BPIFB6: variants seen among roughly 807,000 people sequenced by gnomAD.
BPIFB6 encodes the protein BPI fold containing family B member 6.
Under a neutral mutation model 54.7 loss-of-function variants are expected in BPIFB6, and 47 were observed. The ratio of observed to expected loss-of-function variants is 0.86; its 90% CI spans 0.68 to 1.10. The LOEUF is 1.10. Among genes scored for constraint, BPIFB6 ranks in the 50% least tolerant of loss-of-function variants. BPIFB6 has a pLI of 0.00. For synonymous variants in BPIFB6, 255 were observed against 225.9 expected (o/e 1.13, Z -1.16); for missense variants, 603 against 564.1 (o/e 1.07, Z -0.70).
In BPIFB6 at chr20:33,042,146, C is replaced by T. The variant is rs6120094; in HGVS notation, c.1188+131C>T. The T allele has an allele frequency of 5.9e-3, 5,060 of 864,010 alleles. 206 individuals are homozygous for T. The African/African-American group carries it at 0.075, about 13-fold the overall frequency. 53.5% of individuals were successfully genotyped at this position (864,010 alleles called of 1,614,324 possible). ...AGCAAGGCCACTGTGAGGCGTGGCG[C>T]ACCTGACTTGCCGTGTGAGCTTAGG... is the stretch of plus-strand genomic sequence containing the variant. On this transcript the variant is annotated intron_variant, in intron 12 of 14. Transcript: ENST00000349552.
chr20:33,038,786 A>C, intron 8 of BPIFB6, 123 bp from the exon 9 acceptor site: 2 of 921,494 alleles, frequency 2.2e-6, no homozygotes, highest in Non-Finnish European at 3.6e-6. Context: ...AGTTAAACTC[A>C]GAGCGTTAAG....
At chr20:33,034,143 G>A (rs745498795) in intron 2 of BPIFB6, 43 bp from the exon 3 acceptor site, 2 of 1,452,090 alleles carry the variant, frequency 1.4e-6, no homozygotes, top group East Asian at 4.5e-5. Flanking sequence ...CCTGGGTCTT[G>A]CCTGCTCAGA....
intron 5 of BPIFB6, 64 bp from the exon 6 acceptor site, chr20:33,035,548 A>C (rs1438977956): frequency 2.0e-5 from 31 of 1,548,114 alleles, no homozygotes; most frequent in Middle Eastern, 1.7e-4. Flanking sequence ...GTGGTGTACC[A>C]TTCAGCTGTG....
intron 14 of BPIFB6, 129 bp from the exon 15 acceptor site, chr20:33,043,886 A>T: frequency 1.7e-6 from 2 of 1,173,376 alleles, no homozygotes; most frequent in Non-Finnish European, 2.5e-6. Flanking sequence ...GTCACAAGGC[A>T]AGTCTACTTC....
intron 13 of BPIFB6, 102 bp downstream of exon 13, chr20:33,042,980 G>C (rs112795422): frequency 2.9e-6 from 3 of 1,046,196 alleles, no homozygotes; most frequent in Non-Finnish European, 2.9e-6. Context: ...GGGCCCAGAT[G>C]GGGGAAGCTA....
In BPIFB6 at chr20:33,034,791, G is replaced by T; in HGVS notation, c.331G>T (p.Val111Leu). 1.2e-6 allele frequency: 2 copies of T among 1,613,048 alleles called. No homozygotes were observed. Among genetic ancestry groups the T allele is most frequent in the Non-Finnish European group, 1.7e-6 (2 of 1,179,236 alleles). ...CATGGGAGGGAACATGGAGATCATCGTGGCCCTGAACATCACAGCCACCAA... is the reference window on the plus strand; with the variant it reads ...CATGGGAGGGAACATGGAGATCATCTTGGCCCTGAACATCACAGCCACCAA... ...SFMGGNMEII[V>L]ALNITATNRL... The change falls in exon 4 of 15, where the codon GTG becomes TTG. Residue 111 changes from valine (V) to leucine (L), a missense_variant. Physicochemically the swap from Val to Leu is conservative, Grantham distance 32 (BLOSUM62 1). Transcript: ENST00000349552.
chr20:33,034,185 G>C lies in BPIFB6; in HGVS notation c.198-1G>C, dbSNP rs761285741. ...TGGTGTGGCTGCCTGTCCCTTCCCA[G>C]TTTGAAGGTGAAGGATGTCCAGCTG... On this transcript the variant is annotated splice_acceptor_variant, in intron 2 of 14. Coordinates refer to ENST00000349552, the MANE Select transcript of BPIFB6 (RefSeq NM_174897.2). LOFTEE classifies it high-confidence loss of function. 11 of 1,611,186 alleles carry C rather than the reference G, an allele frequency of 6.8e-6. No individual in the cohort carries two copies. In the Admixed American group the frequency reaches 1.8e-4, roughly 27 times the overall value.
In BPIFB6 at chr20:33,031,721, G is replaced by T. The variant is rs148120627; in HGVS notation, c.74G>T (p.Arg25Leu). The T allele has an allele frequency of 3.7e-6, 6 of 1,613,962 alleles. No individual in the cohort carries two copies. In the East Asian group the frequency reaches 1.3e-4, roughly 36 times the overall value. The change falls in exon 1 of 15, where the codon CGG (arginine) becomes CTG (leucine). Residue 25 changes from arginine (R) to leucine (L), a missense_variant. By Grantham distance (102) the Arg-to-Leu change is moderately radical. Coordinates refer to ENST00000349552, the MANE Select transcript of BPIFB6 (RefSeq NM_174897.2). ...GTRADPGALL[R>L]LGMDIMNQVQ... ...CGAGCTGACCCTGGGGCACTGCTGC[G>T]GTTGGGCATGGACATCATGAACCGT... is the stretch of plus-strand genomic sequence containing the variant.
At chr20:33,039,215 A>G in intron 9 of BPIFB6, 132 bp from the exon 10 acceptor site, 2 of 1,003,142 alleles carry the variant, frequency 2.0e-6, no homozygotes, top group Non-Finnish European at 3.0e-6. Context: ...CCTGATAGAC[A>G]CATCCTGGCC....
At chr20:33,042,583 C>T (rs1180352316) in intron 12 of BPIFB6, among the ~76,000 whole-genome samples, 1 of 152,178 alleles carries the variant, frequency 6.6e-6, no homozygotes, top group East Asian at 1.9e-4. Flanking sequence ...CCTGTTCCTG[C>T]ACCATGGCCC....
chr20:33,042,687 T>C, intron 12 of BPIFB6, 128 bp from the exon 13 acceptor site: 2 of 859,488 alleles, frequency 2.3e-6, no homozygotes, highest in Non-Finnish European at 3.7e-6. Context: ...TGATGCCAGC[T>C]GGACAAACCA....
At chr20:33,039,602 C>A in intron 10 of BPIFB6, 82 bp downstream of exon 10, 3 of 1,404,450 alleles carry the variant, frequency 2.1e-6, no homozygotes, top group South Asian at 1.4e-5. Context: ...TAGTTGACAG[C>A]CAAGTCATGG....
In BPIFB6 at chr20:33,037,550, G is replaced by T. The variant is rs1469797980; in HGVS notation, c.670-12G>T. 1.3e-6 allele frequency: 2 copies of T among 1,597,486 alleles called. No individual in the cohort carries two copies. The highest frequency in any genetic ancestry group is 8.6e-7 in the Non-Finnish European group (1 of 1,168,616). Reference sequence around the variant, plus strand: ...GGCCAAGGCTGAGTGTCTCCCTCCTGCTGCCCCATAGCCTGTGGTGCAGCA... The same window carrying T: ...GGCCAAGGCTGAGTGTCTCCCTCCTTCTGCCCCATAGCCTGTGGTGCAGCA... On this transcript the variant is annotated splice_polypyrimidine_tract_variant and intron_variant, in intron 7 of 14. Coordinates refer to ENST00000349552, the MANE Select transcript of BPIFB6 (RefSeq NM_174897.2).
At chr20:33,036,394 G>T (rs759580616) in intron 6 of BPIFB6, 51 bp from the exon 7 acceptor site, 1 of 1,512,498 alleles carries the variant, frequency 6.6e-7, no homozygotes. Context: ...AGCTTCTCTG[G>T]GCTGTTCCTG....
rs537464501 is a variant in BPIFB6, at chr20:33,035,145, G to A, written c.516+1G>A. 5.9e-5 allele frequency: 96 copies of A among 1,613,716 alleles called. No homozygotes were observed. The Admixed American group carries it at 1.5e-3, about 26-fold the overall frequency. On this transcript the variant is annotated splice_donor_variant, in intron 5 of 14. Coordinates refer to ENST00000349552, the MANE Select transcript of BPIFB6 (RefSeq NM_174897.2). LOFTEE classifies it high-confidence loss of function. ...CCTGCACAAAGTCCTCCCTGGGCTGGTGAGTGACCCAGAGAAAGCCTCCAC... is the reference window on the plus strand; with the variant it reads ...CCTGCACAAAGTCCTCCCTGGGCTGATGAGTGACCCAGAGAAAGCCTCCAC...
At chr20:33,037,867 T>G in intron 8 of BPIFB6, 129 bp downstream of exon 8, 1 of 1,027,808 alleles carries the variant, frequency 9.7e-7, no homozygotes, top group South Asian at 1.5e-5. Flanking sequence ...CAGGACCGAT[T>G]TGAGTTTCTC....
intron 11 of BPIFB6, among the ~76,000 whole-genome samples, chr20:33,041,672 T>C (rs1265456829): frequency 6.6e-6 from 1 of 152,122 alleles, no homozygotes; most frequent in Non-Finnish European, 1.5e-5. Context: ...TGTAAACCTC[T>C]GCATAGCTGG....
At chr20:33,035,170 C>T in intron 5 of BPIFB6, 26 bp downstream of exon 5, 1 of 1,610,582 alleles carries the variant, frequency 6.2e-7, no homozygotes, top group African/African-American at 1.3e-5. Context: ...AAAGCCTCCA[C>T]CCCTCGTTGC....
At chr20:33,039,092 T>C in intron 9 of BPIFB6, 130 bp downstream of exon 9, 1 of 1,180,882 alleles carries the variant, frequency 8.5e-7, no homozygotes, top group Non-Finnish European at 1.2e-6. Flanking sequence ...AAACATCTTT[T>C]CTTCTTTATA....
Sources: gnomAD v4.1 joint callset for allele counts (sites outside exome capture counted in the v4.1 genomes callset) on GRCh38, gnomAD v4.1.1 for gene constraint, MANE v1.5 for transcripts, NCBI Gene and HGNC (gene_info 2026-07-23, HGNC 2026-07-21) for gene names.